Variants in TCF12 observed in about 807,000 individuals in gnomAD.
The protein encoded by TCF12 is transcription factor 12, also known as DNA-binding protein HTF4.
A neutral mutation model predicts 86.0 loss-of-function variants in TCF12; 45 were observed. The observed-to-expected ratio is 0.52, with a 90% CI of 0.41 to 0.67. TCF12 has a LOEUF of 0.67. Among genes scored for constraint, TCF12 ranks in the 30% least tolerant of loss-of-function variants. TCF12 has a pLI of 0.00. For synonymous variants in TCF12, 330 were observed against 299.6 expected (o/e 1.10, Z -1.05); for missense variants, 881 against 859.9 (o/e 1.02, Z -0.31).
chr15:57,229,991 G>A lies in TCF12; in HGVS notation c.580-1161G>A, dbSNP rs1194585801. The stretch of plus-strand genomic sequence containing the variant: ...TTCCTTAACTCTTTTTCTATTATTA[G>A]TCTATAGAAATATATGCTTGGGGTA... On this transcript the variant is annotated intron_variant, in intron 8 of 20. Transcript: ENST00000333725. 7.9e-5 allele frequency among the ~76,000 whole-genome samples: 12 copies of A among 151,894 alleles called. No homozygotes were observed. The East Asian group carries it at 2.3e-3, about 29-fold the overall frequency.
chr15:57,168,769 G>A (rs1018483858), intron 6 of TCF12, among the ~76,000 whole-genome samples: 12 of 152,202 alleles, frequency 7.9e-5, no homozygotes, highest in East Asian at 5.8e-4. Context: ...GTGGCCAGGC[G>A]CGGTGGCTCA....
At chr15:56,947,748 T>C (rs1389784692) in intron 3 of TCF12, among the ~76,000 whole-genome samples, 1 of 152,000 alleles carries the variant, frequency 6.6e-6, no homozygotes. Flanking sequence ...TAACAGAAAA[T>C]GTGTAGTGGA....
intron 18 of TCF12, among the ~76,000 whole-genome samples, chr15:57,266,694 T>C (rs1226096683): frequency 6.6e-6 from 1 of 152,158 alleles, no homozygotes; most frequent in Non-Finnish European, 1.5e-5. Context: ...TAGTTTCAAG[T>C]GATTTCTGGA....
At chr15:57,250,492 G>T (rs1333373670) in intron 13 of TCF12, among the ~76,000 whole-genome samples, 2 of 152,168 alleles carry the variant, frequency 1.3e-5, no homozygotes, top group African/African-American at 4.8e-5. Flanking sequence ...ACTTTGTGAG[G>T]CTGAGGCGGG....
At chr15:57,106,009 G>A (rs1275793215) in intron 5 of TCF12, among the ~76,000 whole-genome samples, 1 of 152,224 alleles carries the variant, frequency 6.6e-6, no homozygotes, top group Non-Finnish European at 1.5e-5. Context: ...CCAGAAATTA[G>A]AGAAAAGGTT....
At chr15:57,022,251 T>A (rs1272199734) in intron 3 of TCF12, among the ~76,000 whole-genome samples, 1 of 152,020 alleles carries the variant, frequency 6.6e-6, no homozygotes, top group Admixed American at 6.6e-5. Context: ...CGGTGTGTGA[T>A]GTTCCCCATC....
intron 3 of TCF12, among the ~76,000 whole-genome samples, chr15:56,942,730 C>G (rs1347760128): frequency 6.6e-6 from 1 of 152,088 alleles, no homozygotes; most frequent in Non-Finnish European, 1.5e-5. Flanking sequence ...AGTAAGTCTT[C>G]AGTTTTTTAA....
intron 16 of TCF12, among the ~76,000 whole-genome samples, chr15:57,254,511 A>G (rs2060256263): frequency 6.6e-6 from 1 of 152,050 alleles, no homozygotes; most frequent in Non-Finnish European, 1.5e-5. Context: ...CTTTTAAAGT[A>G]CTTTTTATTG....
intron 3 of TCF12, among the ~76,000 whole-genome samples, chr15:56,942,131 T>G (rs16977156): frequency 0.014 from 2,076 of 152,318 alleles, 56 homozygotes; most frequent in African/African-American, 0.043. Flanking sequence ...TTTTTGGTAC[T>G]CTGAAAGTGC....
intron 3 of TCF12, among the ~76,000 whole-genome samples, chr15:56,970,129 T>C (rs192824000): frequency 3.9e-5 from 6 of 152,210 alleles, no homozygotes; most frequent in African/African-American, 1.4e-4. Flanking sequence ...TATGGTAAAC[T>C]TGGCATCTCA....
intron 5 of TCF12, among the ~76,000 whole-genome samples, chr15:57,105,802 T>A (rs1321338165): frequency 1.3e-5 from 2 of 152,190 alleles, no homozygotes; most frequent in Non-Finnish European, 2.9e-5. Context: ...ACTTGCAAAA[T>A]GGGGACATCA....
intron 5 of TCF12, among the ~76,000 whole-genome samples, chr15:57,124,693 TG>T (rs2033695126): frequency 6.6e-6 from 1 of 152,078 alleles, no homozygotes; most frequent in African/African-American, 2.4e-5. Context: ...CTTTTTTTTT[TG>T]TGAGACAGAG....
In TCF12 at chr15:57,282,355, A is replaced by C. The variant is rs2061729316; in HGVS notation, c.1979-90A>C. The C allele has an allele frequency of 7.4e-6, 11 of 1,479,798 alleles. No homozygotes were observed. The South Asian group carries it at 1.2e-4, about 15-fold the overall frequency. 91.7% of individuals were successfully genotyped at this position (1,479,798 alleles called of 1,614,324 possible). A position where few individuals can be genotyped will look rare whatever the true frequency, so the allele number is the denominator to read the frequency against. On this transcript the variant is annotated intron_variant, in intron 19 of 20. Coordinates refer to ENST00000333725, the MANE Select transcript of TCF12 (RefSeq NM_207037.2). ...GTGATGGTACTTAGTATGGGAATGA[A>C]GTTACACAAAACAACAGCAATTTGT...
chr15:57,105,251 A>G (rs1874804921), intron 5 of TCF12, among the ~76,000 whole-genome samples: 1 of 152,142 alleles, frequency 6.6e-6, no homozygotes, highest in South Asian at 2.1e-4. Context: ...TTCCTTTTAT[A>G]TGAATAACCT....
At chr15:57,118,884 T>G (rs2051024306) in intron 5 of TCF12, among the ~76,000 whole-genome samples, 1 of 152,216 alleles carries the variant, frequency 6.6e-6, no homozygotes, top group African/African-American at 2.4e-5. Flanking sequence ...AGATATTTTA[T>G]TTTTTCCTTA....
intron 3 of TCF12, among the ~76,000 whole-genome samples, chr15:56,938,045 CTTT>C (rs370916527): frequency 3.3e-5 from 1 of 30,710 alleles, no homozygotes; most frequent in Non-Finnish European, 6.8e-5. Context: ...CGTTTCTTTT[CTTT>C]TTTTTTTTTT....
intron 7 of TCF12, among the ~76,000 whole-genome samples, chr15:57,193,376 A>C (rs1299510671): frequency 1.3e-5 from 2 of 152,242 alleles, no homozygotes; most frequent in African/African-American, 4.8e-5. Context: ...CTGCAAAAGC[A>C]AACTTTGTTC....
intron 6 of TCF12, among the ~76,000 whole-genome samples, chr15:57,181,005 A>G (rs11858880): frequency 0.44 from 66,619 of 150,842 alleles, 15,789 homozygotes; most frequent in Non-Finnish European, 0.54. Flanking sequence ...TAGTGGAGAC[A>G]GGGTTTCACT....
chr15:57,022,466 T>C (rs1452262813), intron 3 of TCF12, among the ~76,000 whole-genome samples: 1 of 152,232 alleles, frequency 6.6e-6, no homozygotes, highest in Non-Finnish European at 1.5e-5. Flanking sequence ...TAGTCTATCA[T>C]TGATGGACAT....
Sources: gnomAD v4.1 joint callset for allele counts (sites outside exome capture counted in the v4.1 genomes callset) on GRCh38, gnomAD v4.1.1 for gene constraint, MANE v1.5 for transcripts, NCBI Gene and HGNC (gene_info 2026-07-23, HGNC 2026-07-21) for gene names.